Variants in NT5DC4 observed in about 807,000 individuals in gnomAD.
The protein encoded by NT5DC4 is 5'-nucleotidase domain-containing protein 4.
In NT5DC4, 44 loss-of-function variants were observed where a neutral mutation model predicts 26.6. The ratio of observed to expected loss-of-function variants is 1.65; its 90% CI spans 1.30 to 2.13. NT5DC4 has a LOEUF of 2.13. NT5DC4 is among the 30% of genes most tolerant of loss of function. The pLI, the probability that NT5DC4 is intolerant of heterozygous loss-of-function variation, is 0.00. For synonymous variants in NT5DC4, 157 were observed against 86.7 expected, an observed-to-expected ratio of 1.81 and a Z score of -4.51; for missense variants, 399 against 228.1, an observed-to-expected ratio of 1.75 and a Z score of -4.83.
intron 15 of NT5DC4, 48 bp from the exon 16 acceptor site, chr2:112,729,579 C>G (rs558098184): frequency 1.4e-6 from 1 of 716,926 alleles, no homozygotes; most frequent in African/African-American, 1.7e-5. Context: ...CCTGGAAGGC[C>G]GTACCCGGGA....
upstream of NT5DC4, among the ~76,000 whole-genome samples, chr2:112,720,739 C>G (rs900529428): frequency 3.9e-5 from 6 of 152,204 alleles, no homozygotes; most frequent in African/African-American, 1.2e-4. Context: ...AGCCTCCTGA[C>G]TTTGTATCCC....
intron 14 of NT5DC4, 130 bp from the exon 15 acceptor site, chr2:112,726,548 C>T: frequency 2.9e-6 from 2 of 693,468 alleles, no homozygotes; most frequent in South Asian, 3.1e-5. Context: ...ATGCACACAC[C>T]CAGCCCGGCA....
At chr2:112,720,814 C>A (rs541704783), upstream of NT5DC4, among the ~76,000 whole-genome samples, 8 of 152,292 alleles carry the variant, frequency 5.3e-5, no homozygotes, top group African/African-American at 1.9e-4. Flanking sequence ...GATGCATAAG[C>A]CCTAGGAATG....
In NT5DC4 at chr2:112,721,830, CCGCAGCCTGG is replaced by C. The variant is rs1332478174; in HGVS notation, c.91_100del (p.Ser31TrpfsTer26). 1.4e-6 allele frequency: 1 copy of C among 717,354 alleles called. No homozygotes were observed. The highest frequency in any genetic ancestry group is 2.0e-5 in the Admixed American group (1 of 50,026). 44.4% of individuals were successfully genotyped at this position (717,354 alleles called of 1,614,324 possible). A position where few individuals can be genotyped will look rare whatever the true frequency, so the allele number is the denominator to read the frequency against. On this transcript the variant is annotated frameshift_variant, in exon 2 of 17. Coordinates refer to ENST00000688554, the MANE Select transcript of NT5DC4 (RefSeq NM_001393655.1). LOFTEE classifies it high-confidence loss of function. ...TCTCTCTCCCCAGGATTTTTGTCAA[CCGCAGCCTGG>C]CGCTGGGGAAGATTCGTTGCTTTGG... is the stretch of plus-strand genomic sequence containing the variant.
At chr2:112,722,906 T>C in intron 6 of NT5DC4, 135 bp downstream of exon 6, 1 of 165,736 alleles carries the variant, frequency 6.0e-6, no homozygotes. Flanking sequence ...AAGGCCTCTA[T>C]TGCAGGCTAG....
At chr2:112,719,903 TTTTTCTTTCTTTCTTTCTTTC>T (rs1676683304), upstream of NT5DC4, among the ~76,000 whole-genome samples, 3 of 117,592 alleles carry the variant, frequency 2.6e-5, no homozygotes, top group African/African-American at 1.1e-4. Flanking sequence ...TCTTTCTTTC[TTTTTCTTTCTTTCTTTCTTTC>T]TCTTTCTTTC....
rs1219586055 is a variant in NT5DC4, at chr2:112,724,879, G to A, written c.888G>A (p.Gln296=). 1.4e-6 allele frequency: 1 copy of A among 717,192 alleles called. No homozygotes were observed. The highest frequency in any genetic ancestry group is 2.0e-5 in the Admixed American group (1 of 50,014). 44.4% of individuals were successfully genotyped at this position (717,192 alleles called of 1,614,324 possible). Residue 296 remains glutamine (Q), a synonymous_variant, in exon 11 of 17, where the codon CAG becomes CAA. Coordinates refer to ENST00000688554, the MANE Select transcript of NT5DC4 (RefSeq NM_001393655.1). ...HFFAEGLVLR[Q]VNTVMAGAED... ...TTGCAGAGGGGTTGGTCCTGAGGCA[G>A]GTCAACACGGTAATGGCAGGTGCAG...
chr2:112,741,768 CT>C (rs964437949), downstream of NT5DC4, among the ~76,000 whole-genome samples: 6 of 150,914 alleles, frequency 4.0e-5, no homozygotes, highest in Admixed American at 3.3e-4. Context: ...TAAATCTACT[CT>C]TTTTTTTTGA....
At chr2:112,739,286 T>C (rs1243690603), downstream of NT5DC4, among the ~76,000 whole-genome samples, 1 of 152,082 alleles carries the variant, frequency 6.6e-6, no homozygotes, top group Non-Finnish European at 1.5e-5. Flanking sequence ...CTGGGCATGG[T>C]GGCACACACC....
In NT5DC4 at chr2:112,721,877, A is replaced by ACTT; in HGVS notation, c.136_137insTCT (p.Asp45_Tyr46insPhe). The ACTT allele has an allele frequency of 1.4e-6, 1 of 717,318 alleles. No homozygotes were observed. Among genetic ancestry groups the ACTT allele is most frequent in the South Asian group, 1.5e-5 (1 of 67,598 alleles). 44.4% of individuals were successfully genotyped at this position (717,318 alleles called of 1,614,324 possible). Reference sequence around the variant, plus strand: ...ATTCGTTGCTTTGGCTTCGACATGGACTACACTCTGGCTGGTAGAGAGGGC... The same window carrying ACTT: ...ATTCGTTGCTTTGGCTTCGACATGGACTTCTACACTCTGGCTGGTAGAGAGGGC... On this transcript the variant is annotated inframe_insertion, in exon 2 of 17. Coordinates refer to ENST00000688554, the MANE Select transcript of NT5DC4 (RefSeq NM_001393655.1).
chr2:112,728,270 A>C (rs367887660), intron 15 of NT5DC4, among the ~76,000 whole-genome samples: 1 of 152,216 alleles, frequency 6.6e-6, no homozygotes, highest in South Asian at 2.1e-4. Flanking sequence ...AAAGGATATC[A>C]GTTGCAAGGA....
At chr2:112,738,359 T>C (rs757454499) in intron 16 of NT5DC4, 5 of 160,388 alleles carry the variant, frequency 3.1e-5, no homozygotes, top group Non-Finnish European at 5.5e-5. Flanking sequence ...AACTCATCTG[T>C]AAAATGAGGG....
chr2:112,722,483 C>T lies in NT5DC4; in HGVS notation c.363C>T (p.Asp121=), dbSNP rs1022165732. 5 of 717,106 alleles carry T rather than the reference C, an allele frequency of 7.0e-6. No individual in the cohort carries two copies. In the Admixed American group the frequency reaches 1.0e-4, roughly 14 times the overall value. The allele number at this position is 717,106 out of a possible 1,614,324, so 44.4% of individuals were successfully genotyped here. A position where few individuals can be genotyped will look rare whatever the true frequency, so the allele number is the denominator to read the frequency against. Residue 121 remains aspartate, a splice_region_variant and synonymous_variant, in exon 5 of 17, where the codon GAC becomes GAT. Coordinates refer to ENST00000688554, the MANE Select transcript of NT5DC4 (RefSeq NM_001393655.1). ...GGGAGGGGTCATTGGCTGCACCCAG[C>T]CTACCCCTCCTCAGGGCAGAGATCT... The part of the protein sequence containing the change: ...LGAYGFTFLS[D]LPLLRAEIWS...
At chr2:112,734,195 G>GTGTGTGTT (rs1553437320) in intron 16 of NT5DC4, among the ~76,000 whole-genome samples, 112 of 151,508 alleles carry the variant, frequency 7.4e-4, no homozygotes, top group African/African-American at 2.6e-3. Context: ...GTGTGTGTGT[G>GTGTGTGTT]TGTGTGTACA....
chr2:112,722,291 G>A lies in NT5DC4; in HGVS notation c.362+13G>A, dbSNP rs976777664. The A allele has an allele frequency of 1.4e-6, 1 of 717,060 alleles. No homozygotes were observed. The highest frequency in any genetic ancestry group is 2.6e-6 in the Non-Finnish European group (1 of 385,084). The allele number at this position is 717,060 out of a possible 1,614,324, so 44.4% of individuals were successfully genotyped here. On this transcript the variant is annotated intron_variant, in intron 4 of 16. Transcript: ENST00000688554. ...CCTTCCTCTCGGAGTAAGGGACAAA[G>A]GTGCCGGGAGAGTGGCAGGCCAGGA...
At chr2:112,729,802 A>C (rs561612747) in intron 16 of NT5DC4, 98 bp downstream of exon 16, 7 of 690,690 alleles carry the variant, frequency 1.0e-5, no homozygotes, top group Non-Finnish European at 1.9e-5. Flanking sequence ...CGCATGAGGC[A>C]ATTGGTGGGG....
downstream of NT5DC4, among the ~76,000 whole-genome samples, chr2:112,739,391 A>G (rs1221807919): frequency 6.6e-6 from 1 of 152,226 alleles, no homozygotes; most frequent in Non-Finnish European, 1.5e-5. Context: ...ATTGTACTCC[A>G]GTCTGGGCAA....
intron 15 of NT5DC4, among the ~76,000 whole-genome samples, chr2:112,728,999 G>A (rs571169354): frequency 2.9e-4 from 44 of 152,352 alleles, no homozygotes; most frequent in African/African-American, 1.0e-3. Flanking sequence ...TCCAGGCATA[G>A]CCCTCTGTGC....
At chr2:112,729,335 T>A (rs1319648680) in intron 15 of NT5DC4, among the ~76,000 whole-genome samples, 2 of 152,204 alleles carry the variant, frequency 1.3e-5, no homozygotes, top group African/African-American at 2.4e-5. Context: ...TTGCCCAGGC[T>A]GGTCTTGAAC....
Sources: allele counts gnomAD v4.1 joint callset (sites outside exome capture counted in the v4.1 genomes callset), GRCh38; gene constraint gnomAD v4.1.1; transcripts MANE v1.5; gene names NCBI Gene and HGNC (gene_info 2026-07-23, HGNC 2026-07-21).